Variants in ATXN3 observed in about 807,000 individuals in gnomAD.
ATXN3 encodes ataxin 3.
Under a neutral mutation model 58.2 loss-of-function variants are expected in ATXN3, and 28 were observed. The ratio of observed to expected loss-of-function variants is 0.48; its 90% CI spans 0.36 to 0.66. The LOEUF (loss-of-function observed/expected upper bound fraction) is 0.66, where lower values mean the gene tolerates loss of function less well. Among genes scored for constraint, ATXN3 ranks in the 30% least tolerant of loss-of-function variants. The pLI is 0.00. For synonymous variants in ATXN3, 113 were observed against 138.5 expected, an observed-to-expected ratio of 0.82 and a Z score of 1.29; for missense variants, 321 against 422.1, an observed-to-expected ratio of 0.76 and a Z score of 2.10.
At chr14:92,081,253 C>G (rs1370528981) in intron 8 of ATXN3, among the ~76,000 whole-genome samples, 192 bp from the exon 9 acceptor site, 1 of 152,030 alleles carries the variant, frequency 6.6e-6, no homozygotes, top group Non-Finnish European at 1.5e-5. Flanking sequence ...AGGTGGATCA[C>G]CTGAGGTCAG....
chr14:92,070,761 C>A (rs7158238), intron 10 of ATXN3, 174 bp downstream of exon 10: 1,942 of 833,588 alleles, frequency 2.3e-3, no homozygotes, highest in Middle Eastern at 4.9e-3. Flanking sequence ...TTTTTTTTTT[C>A]TTTTGGTAAC....
intron 10 of ATXN3, among the ~76,000 whole-genome samples, chr14:92,066,601 G>GTTTTTTTT (rs66941473): frequency 2.8e-5 from 3 of 107,022 alleles, no homozygotes; most frequent in Non-Finnish European, 5.5e-5. Context: ...TTTTTTTCTT[G>GTTTTTTTT]TTTTTTTTTT....
At chr14:92,066,601 G>GTTTTT (rs66941473) in intron 10 of ATXN3, among the ~76,000 whole-genome samples, 3 of 107,018 alleles carry the variant, frequency 2.8e-5, no homozygotes, top group Non-Finnish European at 5.5e-5. Context: ...TTTTTTTCTT[G>GTTTTT]TTTTTTTTTT....
At chr14:92,079,428 C>G in intron 9 of ATXN3, 1 of 981,202 alleles carries the variant, frequency 1.0e-6, no homozygotes, top group Non-Finnish European at 1.2e-6. Flanking sequence ...AAGAGGATGT[C>G]AGCTGATCAG....
chr14:92,069,062 G>A (rs1208633941), intron 10 of ATXN3, among the ~76,000 whole-genome samples: 1 of 150,664 alleles, frequency 6.6e-6, no homozygotes, highest in Non-Finnish European at 1.5e-5. Context: ...TTTGGGCAAT[G>A]ATGAATAAAG....
chr14:92,096,048 G>C, intron 3 of ATXN3, 45 bp downstream of exon 3: 1 of 1,450,092 alleles, frequency 6.9e-7, no homozygotes. Flanking sequence ...GTGAAACGGT[G>C]CCTGGGATGT....
intron 10 of ATXN3, among the ~76,000 whole-genome samples, chr14:92,067,627 C>T (rs1232980881): frequency 6.6e-6 from 1 of 152,234 alleles, no homozygotes; most frequent in African/African-American, 2.4e-5. Flanking sequence ...GAATTCCTGA[C>T]CTTAAGTGTT....
upstream of ATXN3, among the ~76,000 whole-genome samples, chr14:92,052,682 C>G (rs2057452975): frequency 6.6e-6 from 1 of 152,154 alleles, no homozygotes; most frequent in Non-Finnish European, 1.5e-5. Context: ...TTTGTGCACA[C>G]CAGCCAGCAG....
chr14:92,065,742 A>G (rs2058274574), intron 10 of ATXN3, among the ~76,000 whole-genome samples: 2 of 152,230 alleles, frequency 1.3e-5, no homozygotes, highest in Admixed American at 6.5e-5. Context: ...TTAGCCGGGC[A>G]TGGTGGCACA....
chr14:92,052,610 C>T (rs2057452806), upstream of ATXN3, among the ~76,000 whole-genome samples: 1 of 152,164 alleles, frequency 6.6e-6, no homozygotes, highest in Admixed American at 6.5e-5. Context: ...CCACTTTTTA[C>T]CTGGATGCAT....
intron 2 of ATXN3, chr14:92,045,086 A>G (rs1255692770): frequency 6.6e-6 from 1 of 152,266 alleles, no homozygotes; most frequent in Non-Finnish European, 1.5e-5. Flanking sequence ...AAGTGCGTCC[A>G]TATAAAAGTT....
chr14:92,088,322 A>G (rs1405352510), intron 6 of ATXN3, among the ~76,000 whole-genome samples: 1 of 152,182 alleles, frequency 6.6e-6, no homozygotes, highest in Non-Finnish European at 1.5e-5. Context: ...CGCCTGCCTC[A>G]GCCTCCCAAA....
At chr14:92,072,572 C>T (rs2059616750) in intron 9 of ATXN3, among the ~76,000 whole-genome samples, 2 of 151,952 alleles carry the variant, frequency 1.3e-5, no homozygotes, top group Admixed American at 1.3e-4. Context: ...TAAAACACTT[C>T]CAGTCTTAAG....
Position 92,071,010 on chromosome 14 carries a change from C to CCTGCTGCTG in ATXN3, c.907_915dup (p.Gln303_Gln305dup), listed in dbSNP as rs193922928. On this transcript the variant is annotated inframe_insertion, in exon 10 of 11. Coordinates refer to ENST00000644486, the MANE Select transcript of ATXN3 (RefSeq NM_004993.6). Reference sequence around the variant, plus strand: ...TGTGAACTCTGTCCTGATAGGTCCCCCTGCTGCTGCTGCTGCTGCTGCTGT... The same window carrying CCTGCTGCTG: ...TGTGAACTCTGTCCTGATAGGTCCCCCTGCTGCTGCTGCTGCTGCTGCTGCTGCTGCTGT... 3.3e-4 allele frequency: 479 copies of CCTGCTGCTG among 1,456,608 alleles called. 38 individuals carry two copies. The highest frequency in any genetic ancestry group is 8.7e-4 in the Admixed American group (48 of 54,906). The allele number at this position is 1,456,608 out of a possible 1,614,324, so 90.2% of individuals were successfully genotyped here. A position where few individuals can be genotyped will look rare whatever the true frequency, so the allele number is the denominator to read the frequency against.
At chr14:92,100,969 A>G (rs1045595280) in intron 1 of ATXN3, among the ~76,000 whole-genome samples, 9 of 152,242 alleles carry the variant, frequency 5.9e-5, no homozygotes, top group African/African-American at 2.2e-4. Flanking sequence ...TATGGTCACC[A>G]TACTTAATAC....
intron 6 of ATXN3, among the ~76,000 whole-genome samples, chr14:92,084,130 AT>A (rs2140826080): frequency 6.6e-6 from 1 of 152,278 alleles, no homozygotes; most frequent in African/African-American, 2.4e-5. Flanking sequence ...CAGAGAGCCT[AT>A]TGTGGGACTT....
intron 8 of ATXN3, among the ~76,000 whole-genome samples, chr14:92,081,604 A>G (rs892909586): frequency 6.6e-6 from 1 of 152,108 alleles, no homozygotes; most frequent in Non-Finnish European, 1.5e-5. Context: ...AGGCATGCAT[A>G]GAGGCAAGAA....
intron 6 of ATXN3, 70 bp downstream of exon 6, chr14:92,088,660 G>A: frequency 9.2e-7 from 1 of 1,090,146 alleles, no homozygotes; most frequent in Non-Finnish European, 1.4e-6. Context: ...TTATCACACT[G>A]TCATCTAATG....
chr14:92,086,191 C>A (rs576601148), intron 6 of ATXN3, among the ~76,000 whole-genome samples: 1 of 138,764 alleles, frequency 7.2e-6, no homozygotes, highest in East Asian at 2.2e-4. Context: ...GTGGATCACT[C>A]GAGGCCAGGA....
Sources: gnomAD v4.1 joint callset for allele counts (sites outside exome capture counted in the v4.1 genomes callset) on GRCh38, gnomAD v4.1.1 for gene constraint, MANE v1.5 for transcripts, NCBI Gene and HGNC (gene_info 2026-07-23, HGNC 2026-07-21) for gene names.